Variants in RIC3 observed in about 807,000 individuals in gnomAD.
The protein encoded by RIC3 is RIC3 acetylcholine receptor chaperone.
In RIC3, 28 loss-of-function variants were observed where a neutral mutation model predicts 27.3. That is an observed-to-expected ratio of 1.02 (90% confidence interval 0.76 to 1.41). RIC3 has a LOEUF of 1.41. Ranked by LOEUF, RIC3 falls within the 40% of genes most tolerant of loss-of-function variation. RIC3 has a pLI of 0.00. For synonymous variants in RIC3, 184 were observed against 160.4 expected, an observed-to-expected ratio of 1.15 and a Z score of -1.11; for missense variants, 501 against 444.7, an observed-to-expected ratio of 1.13 and a Z score of -1.14.
intron 4 of RIC3, among the ~76,000 whole-genome samples, chr11:8,134,900 T>C (rs1271937395): frequency 6.6e-6 from 1 of 152,224 alleles, no homozygotes; most frequent in African/African-American, 2.4e-5. Context: ...TAGCCCTTTG[T>C]CAGATGAGTA....
At chr11:8,159,074 T>C (rs1056917874) in intron 1 of RIC3, among the ~76,000 whole-genome samples, 9 of 151,174 alleles carry the variant, frequency 6.0e-5, no homozygotes, top group Non-Finnish European at 1.3e-4. Context: ...ATAAACAAGA[T>C]AATGATAAAT....
chr11:8,164,354 C>A (rs1951474309), intron 1 of RIC3, among the ~76,000 whole-genome samples: 1 of 152,096 alleles, frequency 6.6e-6, no homozygotes, highest in Non-Finnish European at 1.5e-5. Context: ...AAATGTAAAA[C>A]TTTTCTTATT....
At chr11:8,128,206 T>G (rs1528133) in intron 4 of RIC3, 37,997 of 457,318 alleles carry the variant, frequency 0.083, 1,891 homozygotes, top group African/African-American at 0.13. Context: ...TGGGGCAGAC[T>G]AGAAGAGCTT....
At chr11:8,100,092 A>C in the RIC3 span, among the ~76,000 whole-genome samples, 1 of 152,186 alleles carries the variant, frequency 6.6e-6, no homozygotes, top group South Asian at 2.1e-4. Flanking sequence ...CCAACAACAG[A>C]AACCAGGAGT....
chr11:8,124,672 T>C (rs993771344), intron 5 of RIC3, among the ~76,000 whole-genome samples: 2 of 152,142 alleles, frequency 1.3e-5, no homozygotes. Context: ...TTGGTACAAG[T>C]AGAGACATAC....
chr11:8,125,332 G>T (rs574190692), intron 5 of RIC3, among the ~76,000 whole-genome samples: 25 of 151,848 alleles, frequency 1.6e-4, no homozygotes, highest in African/African-American at 4.1e-4. Context: ...TCTACTCTTT[G>T]AAAGATGCTG....
rs138933781 is a variant in RIC3 at position 8,118,622 on chromosome 11, G to C, written c.671-7485C>G. 6.5e-3 allele frequency among the ~76,000 whole-genome samples: 983 copies of C among 150,090 alleles called. 22 individuals are homozygous for C. Among genetic ancestry groups the C allele is most frequent in the Admixed American group, 0.052 (784 of 15,080 alleles). ...GTGGCTCACGCCTGTAATCCTAACA[G>C]TTTGGGAGGCTTAGGCAGTTGGATC... On this transcript the variant is annotated intron_variant, in intron 5 of 5. Transcript: ENST00000309737.
the RIC3 span, chr11:8,096,944 C>T: frequency 9.7e-7 from 1 of 1,033,374 alleles, no homozygotes; most frequent in African/African-American, 1.6e-5. Context: ...ACCTTGCCTC[C>T]TAACCTCTTC....
At chr11:8,162,915 G>A (rs1951315190) in intron 1 of RIC3, among the ~76,000 whole-genome samples, 1 of 151,574 alleles carries the variant, frequency 6.6e-6, no homozygotes, top group Admixed American at 6.6e-5. Flanking sequence ...CCAAGTGCTG[G>A]GATTATAGAC....
At chr11:8,104,281 G>C (rs1944431339), downstream of RIC3, 2 of 152,238 alleles carry the variant, frequency 1.3e-5, no homozygotes, top group Non-Finnish European at 1.5e-5. Flanking sequence ...CAGCTTCTCT[G>C]TAACCGCTTC....
At chr11:8,093,941 G>A in the RIC3 span, 22 of 1,371,918 alleles carry the variant, frequency 1.6e-5, no homozygotes, top group East Asian at 2.3e-4. Flanking sequence ...GGTGGGACTC[G>A]GGGTGCAGTC....
rs887787679 is a variant in RIC3, at chr11:8,116,378, A to G, written c.671-5241T>C. The stretch of plus-strand genomic sequence containing the variant: ...CTCCATGACATTGGTCTGGACAATG[A>G]TATTTTTGGATATGACACCAAAAGC... On this transcript the variant is annotated intron_variant, in intron 5 of 5. Transcript: ENST00000309737. Among the ~76,000 whole-genome samples the G allele has an allele frequency of 3.3e-5, 5 of 152,244 alleles. No individual in the cohort carries two copies. The South Asian group carries it at 8.3e-4, about 25-fold the overall frequency.
chr11:8,126,420 G>GT (rs1363902201), intron 5 of RIC3, among the ~76,000 whole-genome samples: 1 of 152,236 alleles, frequency 6.6e-6, no homozygotes, highest in African/African-American at 2.4e-5. Context: ...AGGGGCAGGA[G>GT]AAGGGCATTA....
chr11:8,097,411 G>A, the RIC3 span: 1 of 1,614,228 alleles, frequency 6.2e-7, no homozygotes, highest in East Asian at 2.2e-5. Flanking sequence ...CCTGGACCGT[G>A]AGGATGGGAA....
At chr11:8,094,218 C>T in the RIC3 span, 4 of 1,583,248 alleles carry the variant, frequency 2.5e-6, no homozygotes, top group South Asian at 4.7e-5. Context: ...CAGCCCTCCC[C>T]AGCAGGCCTG....
chr11:8,150,194 G>A (rs1485125642), intron 1 of RIC3, among the ~76,000 whole-genome samples: 2 of 152,138 alleles, frequency 1.3e-5, no homozygotes, highest in Admixed American at 1.3e-4. Context: ...GCTTCTGGCT[G>A]GAGGCTACAC....
chr11:8,153,324 A>G (rs1480623002), intron 1 of RIC3: 3 of 390,640 alleles, frequency 7.7e-6, no homozygotes, highest in African/African-American at 4.2e-5. Context: ...CTCTGTCTTT[A>G]AAAAGAGTTT....
At chr11:8,096,869 CTGCATGTGAAGAGATGG>C in the RIC3 span, 1 of 1,579,586 alleles carries the variant, frequency 6.3e-7, no homozygotes, top group East Asian at 2.2e-5. Flanking sequence ...TAGAGGTGGA[CTGCATGTGAAGAGATGG>C]ACTCGTATGC....
the RIC3 span, chr11:8,096,703 G>C: frequency 6.2e-7 from 1 of 1,611,568 alleles, no homozygotes; most frequent in South Asian, 1.1e-5. Flanking sequence ...AGCAGCATGA[G>C]CTTTGACGAG....
Sources: allele counts gnomAD v4.1 joint callset (sites outside exome capture counted in the v4.1 genomes callset), GRCh38; gene constraint gnomAD v4.1.1; transcripts MANE v1.5; gene names NCBI Gene and HGNC (gene_info 2026-07-23, HGNC 2026-07-21).